CEMIP: variants seen among roughly 807,000 people sequenced by gnomAD.
CEMIP encodes the protein cell migration inducing hyaluronidase 1.
Under a neutral mutation model 156.9 loss-of-function variants are expected in CEMIP, and 105 were observed. The ratio of observed to expected loss-of-function variants is 0.67; its 90% confidence interval spans 0.57 to 0.79. The LOEUF is 0.79. Among genes scored for constraint, CEMIP ranks in the 30% least tolerant of loss-of-function variants. The probability of loss-of-function intolerance (pLI) is 0.00; values close to 1 mark genes in which losing one functional copy is unlikely to be tolerated. For missense variants in CEMIP, 1,457 were observed against 1,769.4 expected (o/e 0.82, Z 3.17); for synonymous variants, 676 against 668.4 (o/e 1.01, Z -0.17).
chr15:80,817,956 T>C (rs1896824945), intron 1 of CEMIP, among the ~76,000 whole-genome samples: 1 of 152,188 alleles, frequency 6.6e-6, no homozygotes, highest in South Asian at 2.1e-4. Context: ...TCTTAATTAT[T>C]TAACCTCTCT....
chr15:80,850,556 G>A (rs994747821), intron 1 of CEMIP, among the ~76,000 whole-genome samples: 5 of 152,198 alleles, frequency 3.3e-5, no homozygotes, highest in African/African-American at 9.6e-5. Flanking sequence ...GATTACAGGT[G>A]TGAGGCATCA....
chr15:80,882,927 G>A (rs1347769197), intron 6 of CEMIP, among the ~76,000 whole-genome samples: 1 of 152,058 alleles, frequency 6.6e-6, no homozygotes, highest in Non-Finnish European at 1.5e-5. Context: ...GGAGTGGGCG[G>A]GTGAGGTGGT....
At chr15:80,799,459 A>G (rs570820321) in intron 1 of CEMIP, among the ~76,000 whole-genome samples, 1 of 152,344 alleles carries the variant, frequency 6.6e-6, no homozygotes, top group South Asian at 2.1e-4. Flanking sequence ...AGAAGTCACA[A>G]TTTTGAGAGT....
intron 1 of CEMIP, among the ~76,000 whole-genome samples, chr15:80,826,289 C>T (rs1014042679): frequency 1.3e-5 from 2 of 152,204 alleles, no homozygotes; most frequent in African/African-American, 2.4e-5. Flanking sequence ...GTTTATTCTG[C>T]ATGCAGCTCT....
intron 1 of CEMIP, among the ~76,000 whole-genome samples, chr15:80,848,084 C>G (rs1897607123): frequency 6.6e-6 from 1 of 152,176 alleles, no homozygotes; most frequent in Non-Finnish European, 1.5e-5. Context: ...ATCTTCAGAA[C>G]TTTAAGAAGG....
chr15:80,805,763 T>C (rs1281903802), intron 1 of CEMIP, among the ~76,000 whole-genome samples: 2 of 152,246 alleles, frequency 1.3e-5, no homozygotes, highest in Non-Finnish European at 2.9e-5. Flanking sequence ...TTACATAAAC[T>C]TGATATGCCA....
intron 1 of CEMIP, among the ~76,000 whole-genome samples, chr15:80,813,333 T>C (rs73497062): frequency 0.018 from 2,668 of 151,210 alleles, 67 homozygotes; most frequent in African/African-American, 0.062. Context: ...TCATTTGTAA[T>C]AGGAGCAGCA....
chr15:80,924,754 G>T, intron 18 of CEMIP, 48 bp downstream of exon 18: 1 of 1,469,638 alleles, frequency 6.8e-7, no homozygotes, highest in Non-Finnish European at 9.5e-7. Flanking sequence ...TTGCAGTCCA[G>T]CTCCTGCCTC....
Position 80,906,986 on chromosome 15 carries a change from TTATG to T in CEMIP, c.1587+152_1587+155del, listed in dbSNP as rs1407752246. On this transcript the variant is annotated intron_variant, in intron 13 of 29. Transcript: ENST00000394685. The surrounding 1 kb of genome is among the most constrained non-coding windows in gnomAD (Gnocchi z 4.3). ...GCGCCTTCTGGAAGTTTGAGAAGTC[TTATG>T]TATTATCCATTAGTGTGCAGCTCCC... 2 of 801,912 alleles carry T rather than the reference TTATG, an allele frequency of 2.5e-6. No individual in the cohort carries two copies. The highest frequency in any genetic ancestry group is 4.1e-6 in the Non-Finnish European group (2 of 488,206). 49.7% of individuals were successfully genotyped at this position (801,912 alleles called of 1,614,324 possible).
intron 3 of CEMIP, among the ~76,000 whole-genome samples, chr15:80,874,318 C>G (rs1015198765): frequency 6.6e-5 from 10 of 152,232 alleles, no homozygotes; most frequent in Non-Finnish European, 1.0e-4. Context: ...GTTCTCACTT[C>G]TAGCCAATCG....
intron 19 of CEMIP, among the ~76,000 whole-genome samples, chr15:80,928,427 G>GTAGC (rs1900775148): frequency 6.6e-6 from 1 of 152,154 alleles, no homozygotes; most frequent in African/African-American, 2.4e-5. Flanking sequence ...AACTTGAAAA[G>GTAGC]TAGCTATTGA....
chr15:80,838,841 G>C (rs1339745710), intron 1 of CEMIP, among the ~76,000 whole-genome samples: 1 of 152,226 alleles, frequency 6.6e-6, no homozygotes, highest in Non-Finnish European at 1.5e-5. Context: ...CTTGCTTTCA[G>C]TGACTCAGCT....
chr15:80,866,658 T>C lies in CEMIP; in HGVS notation c.-175-6880T>C, dbSNP rs1330299464. On this transcript the variant is annotated intron_variant, in intron 1 of 29. Coordinates refer to ENST00000394685, the MANE Select transcript of CEMIP (RefSeq NM_001293298.2). ...AAAATAAGCCAGGTGTGGTGGCACA[T>C]GCCTGTAATCCCAGCTACTTGGGAG... Among the ~76,000 whole-genome samples, 12 of 149,624 alleles carry C rather than the reference T, an allele frequency of 8.0e-5. 1 individual carries two copies. The highest frequency in any genetic ancestry group is 6.7e-4 in the Admixed American group (10 of 15,004).
rs139252644 is a variant in CEMIP at position 80,895,102 on chromosome 15, G to A, written c.1199G>A (p.Arg400Gln). ...RGRACRSYRV[R>Q]FLCGKPVRPK... ...AGAGCCTGCCGGAGCTACCGTGTAC[G>A]GTTCCTCTGTGGGAAGCCTGGTAAG... The change falls in exon 11 of 30, where the codon CGG becomes CAG. Residue 400 changes from arginine (R) to glutamine (Q), a missense_variant. Arg to Gln is a conservative substitution (Grantham distance 43). Transcript: ENST00000394685. 78 of 1,614,214 alleles carry A rather than the reference G, an allele frequency of 4.8e-5. No homozygotes were observed. The highest frequency in any genetic ancestry group is 2.0e-4 in the Admixed American group (12 of 60,034).
rs185952198 is a variant in CEMIP, at chr15:80,929,280, C to A, written c.2612+106C>A. ...AGTTTCTACCTGTTGACTATGAATT[C>A]TTCTACCAGCCAGAGGAATCACTGA... On this transcript the variant is annotated intron_variant, in intron 21 of 29. Transcript: ENST00000394685. The A allele has an allele frequency of 8.9e-3, 12,011 of 1,344,984 alleles. 110 individuals are homozygous for A. The highest frequency in any genetic ancestry group is 0.031 in the South Asian group (2,570 of 84,100). The allele number at this position is 1,344,984 out of a possible 1,614,324, so 83.3% of individuals were successfully genotyped here. A position where few individuals can be genotyped will look rare whatever the true frequency, so the allele number is the denominator to read the frequency against.
chr15:80,850,235 T>C (rs1897680356), intron 1 of CEMIP, among the ~76,000 whole-genome samples: 1 of 152,116 alleles, frequency 6.6e-6, no homozygotes, highest in Admixed American at 6.5e-5. Context: ...GTCAGGGGTT[T>C]TGGGCATGTG....
At chr15:80,870,208 G>A (rs1356475879) in intron 1 of CEMIP, among the ~76,000 whole-genome samples, 1 of 152,190 alleles carries the variant, frequency 6.6e-6, no homozygotes, top group Non-Finnish European at 1.5e-5. Flanking sequence ...GCCTAGGTTT[G>A]CCTAAAGCAA....
At chr15:80,811,966 T>C (rs1171872658) in intron 1 of CEMIP, among the ~76,000 whole-genome samples, 3 of 152,164 alleles carry the variant, frequency 2.0e-5, no homozygotes, top group Non-Finnish European at 4.4e-5. Flanking sequence ...GAGCTCACAC[T>C]CAGCATGGTT....
chr15:80,909,964 AG>A (rs1485889258), intron 14 of CEMIP, among the ~76,000 whole-genome samples: 1 of 152,234 alleles, frequency 6.6e-6, no homozygotes, highest in Non-Finnish European at 1.5e-5. Flanking sequence ...CTGTGTTTAG[AG>A]AAACATTTGA....
Sources: gnomAD v4.1 joint callset for allele counts (sites outside exome capture counted in the v4.1 genomes callset) on GRCh38, gnomAD v4.1.1 for gene constraint, Gnocchi (gnomAD v3.1) non-coding constraint, MANE v1.5 for transcripts, NCBI Gene and HGNC (gene_info 2026-07-23, HGNC 2026-07-21) for gene names.